The following ANKFN1 variants were observed in gnomAD, a reference collection of about 807,000 sequenced individuals.
ANKFN1 encodes the protein ankyrin repeat and fibronectin type III domain containing 1, also known as ankyrin repeat and fibronectin type-III domain-containing protein 1.
A neutral mutation model predicts 108.7 loss-of-function variants in ANKFN1; 74 were observed. The ratio of observed to expected loss-of-function variants is 0.68; its 90% CI spans 0.56 to 0.83. The LOEUF (loss-of-function observed/expected upper bound fraction) is 0.83, where lower values mean the gene tolerates loss of function less well. ANKFN1 is among the 40% of genes least tolerant of loss of function. ANKFN1 has a pLI of 0.00. For missense variants in ANKFN1, 1,505 were observed against 1,382.3 expected (o/e 1.09, Z -1.41); for synonymous variants, 547 against 516.2 (o/e 1.06, Z -0.81).
intron 4 of ANKFN1, among the ~76,000 whole-genome samples, chr17:56,076,233 A>G (rs1346011703): frequency 1.3e-5 from 2 of 152,200 alleles, no homozygotes; most frequent in Non-Finnish European, 2.9e-5. Context: ...GTGAGCCATA[A>G]ATTAATATGC....
intron 3 of ANKFN1, among the ~76,000 whole-genome samples, chr17:56,325,720 G>A (rs1031095066): frequency 1.3e-5 from 2 of 152,152 alleles, no homozygotes; most frequent in Non-Finnish European, 1.5e-5. Flanking sequence ...GGGATGTGAC[G>A]GCCACTTGTG....
At chr17:56,332,560 A>G (rs1443704073) in intron 4 of ANKFN1, among the ~76,000 whole-genome samples, 1 of 152,042 alleles carries the variant, frequency 6.6e-6, no homozygotes, top group Non-Finnish European at 1.5e-5. Flanking sequence ...CTTTTTTCCT[A>G]TTGAATTACC....
chr17:56,167,274 C>T (rs76240845), intron 1 of ANKFN1, among the ~76,000 whole-genome samples: 3,186 of 133,858 alleles, frequency 0.024, 119 homozygotes, highest in African/African-American at 0.083. Flanking sequence ...TATATATATA[C>T]ATATATATAT....
At chr17:56,498,679 A>C (rs185439090) in intron 19 of ANKFN1, among the ~76,000 whole-genome samples, 7 of 152,308 alleles carry the variant, frequency 4.6e-5, no homozygotes, top group Non-Finnish European at 8.8e-5. Flanking sequence ...TAAATGACAG[A>C]GCTTCTCTGG....
chr17:56,263,016 G>A (rs978221858), intron 3 of ANKFN1, among the ~76,000 whole-genome samples: 15 of 152,276 alleles, frequency 9.9e-5, no homozygotes, highest in South Asian at 4.1e-4. Context: ...ATGACCAAAC[G>A]TTAGCGGAAA....
chr17:56,439,348 C>T (rs2049027715), intron 8 of ANKFN1, among the ~76,000 whole-genome samples: 2 of 152,054 alleles, frequency 1.3e-5, no homozygotes, highest in South Asian at 4.1e-4. Context: ...TAAGTCCCTG[C>T]TTCATTTATG....
chr17:56,445,043 T>G (rs990004804), intron 10 of ANKFN1, among the ~76,000 whole-genome samples: 2 of 152,190 alleles, frequency 1.3e-5, no homozygotes. Context: ...TATTCTAGAC[T>G]TATTTGGACT....
intron 8 of ANKFN1, among the ~76,000 whole-genome samples, chr17:56,434,231 C>G (rs1012363121): frequency 6.6e-6 from 1 of 152,050 alleles, no homozygotes; most frequent in Non-Finnish European, 1.5e-5. Flanking sequence ...ATAAGCAAAA[C>G]TAGGAGAGTA....
chr17:56,258,252 T>G (rs144929259), intron 3 of ANKFN1: 1 of 152,364 alleles, frequency 6.6e-6, no homozygotes, highest in East Asian at 1.9e-4. Context: ...GGAACTTTCA[T>G]GACCCATGGT....
chr17:56,246,093 C>G (rs1023191912), intron 3 of ANKFN1, among the ~76,000 whole-genome samples: 1 of 152,162 alleles, frequency 6.6e-6, no homozygotes, highest in Admixed American at 6.5e-5. Flanking sequence ...AGTTCCACAC[C>G]ACCACTGCCT....
At chr17:56,086,949 A>T (rs1239637684) in intron 4 of ANKFN1, among the ~76,000 whole-genome samples, 1 of 151,470 alleles carries the variant, frequency 6.6e-6, no homozygotes, top group Non-Finnish European at 1.5e-5. Flanking sequence ...GGATAGTATC[A>T]TCTCCTTTTC....
intron 3 of ANKFN1, among the ~76,000 whole-genome samples, chr17:56,297,260 C>A (rs953551751): frequency 6.6e-6 from 1 of 152,160 alleles, no homozygotes; most frequent in African/African-American, 2.4e-5. Context: ...CGGAGCCAGA[C>A]CTCTGAGGCT....
intron 8 of ANKFN1, among the ~76,000 whole-genome samples, chr17:56,378,923 C>T (rs182198421): frequency 1.3e-5 from 2 of 152,284 alleles, no homozygotes; most frequent in African/African-American, 4.8e-5. Context: ...CTTTCATTCA[C>T]TAGTTGCTGA....
At chr17:56,463,633 G>A (rs974942874) in intron 14 of ANKFN1, among the ~76,000 whole-genome samples, 5 of 152,154 alleles carry the variant, frequency 3.3e-5, no homozygotes, top group Non-Finnish European at 5.9e-5. Flanking sequence ...ACATTGAAAG[G>A]TGTCTAAGCT....
intron 20 of ANKFN1, among the ~76,000 whole-genome samples, chr17:56,501,283 C>T (rs2051360666): frequency 1.3e-5 from 2 of 152,108 alleles, no homozygotes; most frequent in Admixed American, 6.6e-5. Flanking sequence ...GATTTTATCC[C>T]GCTTGTGATG....
At chr17:56,498,310 G>A (rs190321064) in intron 19 of ANKFN1, among the ~76,000 whole-genome samples, 1 of 152,142 alleles carries the variant, frequency 6.6e-6, no homozygotes, top group Admixed American at 6.5e-5. Flanking sequence ...GTAGAGCTTT[G>A]CTTTTCTAGT....
intron 6 of ANKFN1, among the ~76,000 whole-genome samples, chr17:56,356,632 G>GC (rs1347008447): frequency 1.3e-5 from 2 of 152,154 alleles, no homozygotes; most frequent in African/African-American, 4.8e-5. Context: ...TCAAAGTGCT[G>GC]CCCCTTTTTA....
chr17:56,374,164 G>A (rs983739821), intron 7 of ANKFN1, among the ~76,000 whole-genome samples: 6 of 152,084 alleles, frequency 3.9e-5, no homozygotes, highest in South Asian at 4.1e-4. Context: ...TTGGGGCTGC[G>A]GTTTCCTCAT....
chr17:56,428,709 C>T (rs1260566737), intron 8 of ANKFN1, among the ~76,000 whole-genome samples: 10 of 152,078 alleles, frequency 6.6e-5, no homozygotes, highest in African/African-American at 1.7e-4. Flanking sequence ...GTGATCCACC[C>T]GCCTCAGCCT....
Sources: gnomAD v4.1 joint callset for allele counts (sites outside exome capture counted in the v4.1 genomes callset) on GRCh38, gnomAD v4.1.1 for gene constraint, MANE v1.5 for transcripts, NCBI Gene and HGNC (gene_info 2026-07-23, HGNC 2026-07-21) for gene names.